The following MEGF10 variants were observed in gnomAD, a reference collection of about 807,000 sequenced individuals.
MEGF10 encodes the protein multiple epidermal growth factor-like domains protein 10.
Under a neutral mutation model 147.5 loss-of-function variants are expected in MEGF10, and 86 were observed. That is an observed-to-expected ratio of 0.58 (90% CI 0.49 to 0.70). The LOEUF (loss-of-function observed/expected upper bound fraction) is 0.70. Ranked by LOEUF, MEGF10 falls within the 30% of genes least tolerant of loss-of-function variation. The probability of loss-of-function intolerance (pLI) is 0.00; values close to 1 mark genes in which losing one functional copy is unlikely to be tolerated. For synonymous variants in MEGF10, 478 were observed against 525.5 expected, an observed-to-expected ratio of 0.91 and a Z score of 1.24; for missense variants, 1,329 against 1,487.3, an observed-to-expected ratio of 0.89 and a Z score of 1.75.
rs144668169 is a variant in MEGF10 at position 127,435,459 on chromosome 5, C to A, written c.2074C>A (p.Pro692Thr). The A allele has an allele frequency of 1.5e-5, 24 of 1,613,686 alleles. No individual in the cohort carries two copies. The African/African-American group carries it at 3.2e-4, about 22-fold the overall frequency. The change falls in exon 16 of 25, where the codon CCC becomes ACC. Residue 692 changes from proline to threonine, a missense_variant. Coordinates refer to ENST00000503335, the MANE Select transcript of MEGF10 (RefSeq NM_001256545.2). ...NPIDRSCQCY[P>T]GWIGSDCSQP... The stretch of plus-strand genomic sequence containing the variant: ...CATTGACAGATCTTGTCAGTGTTAC[C>A]CCGGTTGGATTGGCAGTGACTGCTC...
At position 127,335,364 on chromosome 5, in the gene MEGF10, G is replaced by T. The variant is rs187776327; in HGVS notation, c.117-3756G>T. The stretch of plus-strand genomic sequence containing the variant: ...TAGAAGTGGTGCCCTCACACTCTGT[G>T]ACTTCAGGAGCAGCTGCTGGTGAAT... On this transcript the variant is annotated intron_variant, in intron 2 of 24. Transcript: ENST00000503335. 2.0e-3 allele frequency among the ~76,000 whole-genome samples: 310 copies of T among 152,304 alleles called. 1 individual carries two copies. Among genetic ancestry groups the T allele is most frequent in the Middle Eastern group, 3.4e-3 (1 of 294 alleles).
the MEGF10 span, among the ~76,000 whole-genome samples, chr5:127,270,180 A>C: frequency 6.6e-6 from 1 of 152,206 alleles, no homozygotes; most frequent in Non-Finnish European, 1.5e-5. Context: ...TCAACTAATG[A>C]GCAAAATAAC....
intron 5 of MEGF10, among the ~76,000 whole-genome samples, chr5:127,394,009 A>G (rs1354435757): frequency 6.6e-6 from 1 of 152,128 alleles, no homozygotes; most frequent in Admixed American, 6.6e-5. Context: ...TGTAAAGTGT[A>G]TGTGCTTGGG....
At chr5:127,262,689 A>G in the MEGF10 span, among the ~76,000 whole-genome samples, 1 of 152,052 alleles carries the variant, frequency 6.6e-6, no homozygotes, top group Non-Finnish European at 1.5e-5. Flanking sequence ...TATTTCTCTC[A>G]TCTCTGTTCT....
the MEGF10 span, among the ~76,000 whole-genome samples, chr5:127,274,301 G>A: frequency 2.0e-5 from 3 of 152,048 alleles, no homozygotes; most frequent in South Asian, 6.2e-4. Flanking sequence ...AAATAATTTT[G>A]TGAAAAATTT....
intron 5 of MEGF10, among the ~76,000 whole-genome samples, chr5:127,370,480 G>A (rs1762808276): frequency 6.6e-6 from 1 of 152,168 alleles, no homozygotes; most frequent in African/African-American, 2.4e-5. Flanking sequence ...ATTCTGAGAT[G>A]CAAATAACGA....
intron 4 of MEGF10, among the ~76,000 whole-genome samples, chr5:127,362,673 C>A (rs1450431342): frequency 1.3e-5 from 2 of 151,998 alleles, no homozygotes; most frequent in South Asian, 2.1e-4. Flanking sequence ...CAAATATTTG[C>A]GTTTTTATCA....
the MEGF10 span, among the ~76,000 whole-genome samples, chr5:127,253,978 A>G: frequency 7.2e-5 from 11 of 152,250 alleles, no homozygotes; most frequent in African/African-American, 2.4e-4. Flanking sequence ...AAAGTCATAC[A>G]TATTCACTTT....
the MEGF10 span, among the ~76,000 whole-genome samples, chr5:127,229,990 G>T: frequency 6.6e-6 from 1 of 152,024 alleles, no homozygotes; most frequent in Non-Finnish European, 1.5e-5. Context: ...AAAAAGAGAG[G>T]CATCAATAAG....
intron 13 of MEGF10, among the ~76,000 whole-genome samples, chr5:127,431,261 C>G (rs1765379812): frequency 6.6e-6 from 1 of 152,130 alleles, no homozygotes; most frequent in South Asian, 2.1e-4. Context: ...GCCTATCTGG[C>G]CTGTAGTCAT....
intron 7 of MEGF10, among the ~76,000 whole-genome samples, chr5:127,399,783 T>C (rs934232902): frequency 1.6e-4 from 25 of 152,230 alleles, no homozygotes; most frequent in African/African-American, 5.5e-4. Context: ...ATCTCCCTTC[T>C]TCTGCATACT....
intron 17 of MEGF10, among the ~76,000 whole-genome samples, chr5:127,439,397 G>T (rs72790428): frequency 0.11 from 15,666 of 147,360 alleles, 931 homozygotes; most frequent in Non-Finnish European, 0.14. Context: ...AGGACAGATG[G>T]GTCTGAAATT....
At chr5:127,350,131 C>T (rs1465566599) in intron 4 of MEGF10, among the ~76,000 whole-genome samples, 1 of 152,128 alleles carries the variant, frequency 6.6e-6, no homozygotes, top group Non-Finnish European at 1.5e-5. Context: ...ATCTTGTTCA[C>T]TCTCTTCCAC....
At chr5:127,286,864 A>G (rs1580662443), upstream of MEGF10, among the ~76,000 whole-genome samples, 4 of 151,974 alleles carry the variant, frequency 2.6e-5, no homozygotes, top group South Asian at 4.2e-4. Context: ...AAAAATGCAG[A>G]CCAATAATTT....
rs141639621 is a variant in MEGF10, at chr5:127,369,772, AGGAAC to A, written c.320-134_320-130del. 8,610 of 595,874 alleles carry A rather than the reference AGGAAC, an allele frequency of 0.014. 110 individuals carry two copies. The highest frequency in any genetic ancestry group is 0.037 in the East Asian group (1,276 of 34,090). The allele number at this position is 595,874 out of a possible 1,614,324, so 36.9% of individuals were successfully genotyped here. On this transcript the variant is annotated intron_variant, in intron 4 of 24. Transcript: ENST00000503335. ...CCTACAGCAGACTGTAAGAGGGCTG[AGGAAC>A]GGACTGAAGAAAATTATCAAGCATG...
chr5:127,248,961 TA>T, the MEGF10 span, among the ~76,000 whole-genome samples: 1 of 151,878 alleles, frequency 6.6e-6, no homozygotes, highest in African/African-American at 2.4e-5. Flanking sequence ...GCCATGGTAC[TA>T]AAAGAAATGC....
chr5:127,360,624 G>A (rs140308005), intron 4 of MEGF10, among the ~76,000 whole-genome samples: 1 of 151,758 alleles, frequency 6.6e-6, no homozygotes, highest in East Asian at 1.9e-4. Flanking sequence ...TTACATATTT[G>A]CCCTTTATCA....
rs1766509395 is a variant in MEGF10, at chr5:127,460,092, C to T, written c.*2774C>T. On this transcript the variant is annotated 3_prime_UTR_variant, in exon 25 of 25. Transcript: ENST00000503335. ...ACTTTGAACCCATGTTAATTTTGGA[C>T]CCTATAACTAATTTCCTTTCTGTAT... 2.0e-5 allele frequency: 3 copies of T among 152,118 alleles called. No individual in the cohort carries two copies. Among genetic ancestry groups the T allele is most frequent in the Admixed American group, 2.0e-4 (3 of 15,250 alleles). 9.4% of individuals were successfully genotyped at this position (152,118 alleles called of 1,614,324 possible). A position where few individuals can be genotyped will look rare whatever the true frequency, so the allele number is the denominator to read the frequency against.
intron 22 of MEGF10, among the ~76,000 whole-genome samples, chr5:127,451,506 T>C (rs1766155793): frequency 6.6e-6 from 1 of 152,202 alleles, no homozygotes; most frequent in Non-Finnish European, 1.5e-5. Flanking sequence ...CATCTAACAT[T>C]AAAGGAGACT....
Sources: allele counts gnomAD v4.1 joint callset (sites outside exome capture counted in the v4.1 genomes callset), GRCh38; gene constraint gnomAD v4.1.1; transcripts MANE v1.5; gene names NCBI Gene and HGNC (gene_info 2026-07-23, HGNC 2026-07-21).